WDR62: variants seen among roughly 807,000 people sequenced by gnomAD.
WDR62 encodes the protein WD repeat domain 62.
Under a neutral mutation model 160.6 loss-of-function variants are expected in WDR62, and 112 were observed. That is an observed-to-expected ratio of 0.70 (90% CI 0.60 to 0.82). The LOEUF (loss-of-function observed/expected upper bound fraction) is 0.82, where lower values mean the gene tolerates loss of function less well. WDR62 is among the 40% of genes least tolerant of loss of function. WDR62 has a pLI of 0.00. For missense variants in WDR62, 1,819 were observed against 1,983.8 expected (o/e 0.92, Z 1.58); for synonymous variants, 792 against 815.1 (o/e 0.97, Z 0.48).
chr19:36,086,565 C>CT, intron 12 of WDR62, 122 bp from the exon 13 acceptor site: 1 of 1,308,170 alleles, frequency 7.6e-7, no homozygotes, highest in Middle Eastern at 2.4e-4. Context: ...GCCAAGTTGG[C>CT]TACAGTTGAA....
chr19:36,089,011 C>A (rs1184636486), intron 13 of WDR62, 27 bp from the exon 14 acceptor site: 1 of 1,613,174 alleles, frequency 6.2e-7, no homozygotes, highest in Non-Finnish European at 8.5e-7. Flanking sequence ...CCAGCCCTGC[C>A]TAACACACAG....
chr19:36,083,462 G>A (rs1972024512), intron 11 of WDR62, among the ~76,000 whole-genome samples: 1 of 152,218 alleles, frequency 6.6e-6, no homozygotes, highest in Non-Finnish European at 1.5e-5. Context: ...AGCAGCTAGG[G>A]TGTGCAGATT....
chr19:36,098,305 G>A (rs1335557583), intron 21 of WDR62, among the ~76,000 whole-genome samples: 3 of 151,726 alleles, frequency 2.0e-5, no homozygotes, highest in Non-Finnish European at 4.4e-5. Context: ...GGTGGCTCAC[G>A]CCTGTAATCC....
Position 36,101,662 on chromosome 19 carries a change from AG to A in WDR62, c.2972-1del. The A allele has an allele frequency of 6.5e-7, 1 of 1,549,618 alleles. No homozygotes were observed. Among genetic ancestry groups the A allele is most frequent in the Non-Finnish European group, 8.7e-7 (1 of 1,145,730 alleles). On this transcript the variant is annotated splice_acceptor_variant, in intron 24 of 31. Transcript: ENST00000401500. LOFTEE classifies it high-confidence loss of function. ...GCTCCTGACCCCGACTCTGTCCTTCAGACTCGGGGGAGTCAGAGGCCGACCT... is the reference window on the plus strand; with the variant it reads ...GCTCCTGACCCCGACTCTGTCCTTCAACTCGGGGGAGTCAGAGGCCGACCT...
chr19:36,056,333 C>T (rs1209958487), intron 1 of WDR62, among the ~76,000 whole-genome samples: 1 of 152,204 alleles, frequency 6.6e-6, no homozygotes, highest in Non-Finnish European at 1.5e-5. Flanking sequence ...CCGCCCACTC[C>T]TGGCTACAGG....
At chr19:36,105,740 C>G (rs1973697318), downstream of WDR62, among the ~76,000 whole-genome samples, 1 of 152,096 alleles carries the variant, frequency 6.6e-6, no homozygotes. Flanking sequence ...GCTGTGTCAT[C>G]CAGGCTAGAG....
chr19:36,102,639 G>A, intron 26 of WDR62, 98 bp from the exon 27 acceptor site: 5 of 1,005,160 alleles, frequency 5.0e-6, no homozygotes, highest in Non-Finnish European at 7.7e-6. Context: ...CTGTACATAA[G>A]GGTTTCTGGG....
At position 36,103,456 on chromosome 19, in the gene WDR62, C is replaced by A. The variant is rs766559809; in HGVS notation, c.3628C>A (p.His1210Asn). 1 of 1,614,150 alleles carries A rather than the reference C, an allele frequency of 6.2e-7. No homozygotes were observed. Among genetic ancestry groups the A allele is most frequent in the East Asian group, 2.2e-5 (1 of 44,880 alleles). The change falls in exon 30 of 32, where the codon CAT (histidine) becomes AAT (asparagine). Residue 1210 changes from histidine to asparagine, a missense_variant. Physicochemically the swap from His to Asn is moderately conservative, Grantham distance 68. Coordinates refer to ENST00000401500, the MANE Select transcript of WDR62 (RefSeq NM_001083961.2). ...CACCCCAGGCCTGGCTCAGGGTGTCCATGCCCCCTCCACCTGTTCCTACAT... is the reference window on the plus strand; with the variant it reads ...CACCCCAGGCCTGGCTCAGGGTGTCAATGCCCCCTCCACCTGTTCCTACAT... ...APTPGLAQGV[H>N]APSTCSYMEA... is the part of the protein sequence containing the mutation.
intron 8 of WDR62, 110 bp from the exon 9 acceptor site, chr19:36,073,232 A>G: frequency 9.7e-7 from 1 of 1,034,100 alleles, no homozygotes; most frequent in South Asian, 1.3e-5. Flanking sequence ...GGATGGCCAC[A>G]AATACCATGA....
chr19:36,069,251 G>C (rs554104959), intron 7 of WDR62, among the ~76,000 whole-genome samples: 1 of 149,004 alleles, frequency 6.7e-6, no homozygotes, highest in Non-Finnish European at 1.5e-5. Flanking sequence ...GCTGCCGGGC[G>C]GAGGGGCTCC....
At chr19:36,087,109 G>A (rs931918550) in intron 13 of WDR62, among the ~76,000 whole-genome samples, 2 of 151,914 alleles carry the variant, frequency 1.3e-5, no homozygotes, top group Non-Finnish European at 2.9e-5. Context: ...TGTTGTTTCT[G>A]TAATCCCAGC....
intron 22 of WDR62, 91 bp downstream of exon 22, chr19:36,099,708 G>T (rs1027417902): frequency 4.5e-5 from 58 of 1,283,340 alleles, no homozygotes; most frequent in Non-Finnish European, 5.8e-5. Context: ...CTCCATGGGG[G>T]CAGGGAGGAT....
chr19:36,083,032 C>T (rs968108529), intron 10 of WDR62, 31 bp from the exon 11 acceptor site: 23 of 1,599,300 alleles, frequency 1.4e-5, no homozygotes, highest in African/African-American at 8.0e-5. Flanking sequence ...CTGAGCTGCT[C>T]GTGCTGACCT....
At chr19:36,090,630 C>A in intron 16 of WDR62, 110 bp downstream of exon 16, 1 of 992,684 alleles carries the variant, frequency 1.0e-6, no homozygotes, top group Non-Finnish European at 1.6e-6. Context: ...CCGCGCTGCC[C>A]AGCACCTTCT....
At position 36,092,829 on chromosome 19, in the gene WDR62, C is replaced by T; in HGVS notation, c.2333+18C>T. The T allele has an allele frequency of 6.2e-7, 1 of 1,613,748 alleles. No homozygotes were observed. Among genetic ancestry groups the T allele is most frequent in the South Asian group, 1.1e-5 (1 of 91,048 alleles). ...CACCCCAGGTCCTGGCAGCCCCTGC[C>T]TGTCCACCAGAGGGATGAGTCCCTG... is the stretch of plus-strand genomic sequence containing the variant. On this transcript the variant is annotated intron_variant, in intron 19 of 31. Transcript: ENST00000401500.
At chr19:36,078,743 G>A (rs1300205231) in intron 9 of WDR62, among the ~76,000 whole-genome samples, 2 of 151,000 alleles carry the variant, frequency 1.3e-5, no homozygotes, top group African/African-American at 2.4e-5. Flanking sequence ...GGCTGAGGCA[G>A]GAGAATTGCT....
intron 22 of WDR62, 43 bp from the exon 23 acceptor site, chr19:36,100,705 C>T: frequency 2.5e-6 from 4 of 1,612,100 alleles, no homozygotes; most frequent in Non-Finnish European, 2.5e-6. Flanking sequence ...TTGGTGGCCC[C>T]AGCCATGCCT....
intron 1 of WDR62, among the ~76,000 whole-genome samples, chr19:36,056,716 C>G (rs1039657221): frequency 6.6e-6 from 1 of 152,132 alleles, no homozygotes; most frequent in African/African-American, 2.4e-5. Flanking sequence ...GCTAAGAGCA[C>G]AGACTGCTGC....
rs1453158579 is a variant in WDR62 at position 36,102,744 on chromosome 19, C to A, written c.3228C>A (p.Phe1076Leu). The A allele has an allele frequency of 6.2e-7, 1 of 1,614,042 alleles. No individual in the cohort carries two copies. The highest frequency in any genetic ancestry group is 1.1e-5 in the South Asian group (1 of 91,086). Reference sequence around the variant, plus strand: ...CTCGGGATCTTCCCCTAGAGCTCTTCCCCGCAGCTCTGGGAGACGTGGAGG... The same window carrying A: ...CTCGGGATCTTCCCCTAGAGCTCTTACCCGCAGCTCTGGGAGACGTGGAGG... ...TLTESPCRELFPAALGDVEAS... is the reference protein window; with the variant it reads ...TLTESPCRELLPAALGDVEAS... Residue 1076 changes from phenylalanine (F) to leucine (L), a missense_variant, in exon 27 of 32, where the codon TTC (phenylalanine) becomes TTA (leucine). Coordinates refer to ENST00000401500, the MANE Select transcript of WDR62 (RefSeq NM_001083961.2).
Sources: allele counts gnomAD v4.1 joint callset (sites outside exome capture counted in the v4.1 genomes callset), GRCh38; gene constraint gnomAD v4.1.1; transcripts MANE v1.5; gene names NCBI Gene and HGNC (gene_info 2026-07-23, HGNC 2026-07-21).